XPO4: variants seen among roughly 807,000 people sequenced by gnomAD.
The protein encoded by XPO4 is exportin 4, also known as exportin-4.
XPO4 carries 39 observed loss-of-function variants against 143.0 expected under a neutral mutation model. That is an observed-to-expected ratio of 0.27 (90% CI 0.21 to 0.36). XPO4 has a LOEUF of 0.36. Among genes scored for constraint, XPO4 ranks in the 10% least tolerant of loss-of-function variants. The pLI, the probability that XPO4 is intolerant of heterozygous loss-of-function variation, is 1.00. For missense variants in XPO4, 907 were observed against 1,348.0 expected (o/e 0.67, Z 5.12); for synonymous variants, 439 against 474.0 (o/e 0.93, Z 0.96).
intron 16 of XPO4, among the ~76,000 whole-genome samples, chr13:20,797,653 C>G (rs2059375835): frequency 2.0e-5 from 3 of 152,154 alleles, no homozygotes; most frequent in Admixed American, 2.0e-4. Context: ...AAACAACTGC[C>G]TAATTCCATT....
At chr13:20,790,400 TA>T in intron 19 of XPO4, 61 bp downstream of exon 19, 1 of 1,261,468 alleles carries the variant, frequency 7.9e-7, no homozygotes, top group Non-Finnish European at 1.2e-6. Flanking sequence ...TATTCTTGTC[TA>T]AAGTATCTTT....
intron 6 of XPO4, among the ~76,000 whole-genome samples, chr13:20,831,256 T>C (rs943326691): frequency 1.1e-4 from 17 of 152,146 alleles, no homozygotes; most frequent in Non-Finnish European, 1.5e-5. Flanking sequence ...CAAGGTTAAA[T>C]AAAGCAAGAT....
intron 1 of XPO4, among the ~76,000 whole-genome samples, chr13:20,895,538 A>G (rs987599776): frequency 2.0e-5 from 3 of 152,072 alleles, no homozygotes; most frequent in Non-Finnish European, 4.4e-5. Flanking sequence ...AGGCTGAGGA[A>G]GGAGAATCAC....
chr13:20,871,213 C>T (rs1324034715), intron 1 of XPO4, among the ~76,000 whole-genome samples: 1 of 152,148 alleles, frequency 6.6e-6, no homozygotes, highest in East Asian at 1.9e-4. Context: ...CGGAATCTCA[C>T]TCTGTTGCCC....
chr13:20,820,123 AGAAAT>A (rs1317110088), intron 9 of XPO4, among the ~76,000 whole-genome samples: 11 of 152,246 alleles, frequency 7.2e-5, no homozygotes, highest in African/African-American at 2.4e-4. Flanking sequence ...ATAAATGAAA[AGAAAT>A]AATACTTTTC....
At chr13:20,882,456 C>T (rs1433769225) in intron 1 of XPO4, among the ~76,000 whole-genome samples, 3 of 152,106 alleles carry the variant, frequency 2.0e-5, no homozygotes, top group Non-Finnish European at 2.9e-5. Flanking sequence ...CCGGTGAACT[C>T]AGAGGGAGGC....
intron 3 of XPO4, among the ~76,000 whole-genome samples, chr13:20,862,361 C>T (rs1334146533): frequency 6.6e-6 from 1 of 152,114 alleles, no homozygotes; most frequent in African/African-American, 2.4e-5. Flanking sequence ...AAACATAGTA[C>T]CAAAAGCTTA....
chr13:20,809,645 G>T (rs1277890948), intron 10 of XPO4, 146 bp downstream of exon 10: 1 of 801,840 alleles, frequency 1.2e-6, no homozygotes. Context: ...ATTTTAATAA[G>T]AACTCAGAGA....
chr13:20,797,783 G>A (rs902177997), intron 16 of XPO4, among the ~76,000 whole-genome samples: 2 of 152,154 alleles, frequency 1.3e-5, no homozygotes, highest in Non-Finnish European at 2.9e-5. Flanking sequence ...GCCCATGGTT[G>A]TTGTTATGGG....
rs200342352 is a variant in XPO4, at chr13:20,894,869, A to AT, written c.69+7800dup. 1.1e-3 allele frequency among the ~76,000 whole-genome samples: 161 copies of AT among 146,850 alleles called. 1 individual carries two copies. The East Asian group carries it at 0.024, about 22-fold the overall frequency. ...CAAAGAAAAAAAAAAAAAAAGGTAGATTTTTTTAAAACACATGCAACATTC... is the reference window on the plus strand; with the variant it reads ...CAAAGAAAAAAAAAAAAAAAGGTAGATTTTTTTTAAAACACATGCAACATTC... On this transcript the variant is annotated intron_variant, in intron 1 of 22. Transcript: ENST00000255305.
rs77984645 is a variant in XPO4 at position 20,862,106 on chromosome 13, T to C, written c.317+611A>G. On this transcript the variant is annotated intron_variant, in intron 3 of 22. Coordinates refer to ENST00000255305, the MANE Select transcript of XPO4 (RefSeq NM_022459.5). ...CCAGCCCTCTATGCACATTTCTATG[T>C]ACACATATATGTAACATTTGATTTG... is the stretch of plus-strand genomic sequence containing the variant. Among the ~76,000 whole-genome samples, 230 of 152,246 alleles carry C rather than the reference T, an allele frequency of 1.5e-3. 1 individual carries two copies. Among genetic ancestry groups the C allele is most frequent in the Middle Eastern group, 6.8e-3 (2 of 294 alleles).
intron 1 of XPO4, among the ~76,000 whole-genome samples, chr13:20,882,412 G>C (rs1365633885): frequency 1.3e-5 from 2 of 152,072 alleles, no homozygotes; most frequent in Non-Finnish European, 2.9e-5. Context: ...GAAAGCAAGT[G>C]GGGGGAGGTG....
rs1390237414 is a variant in XPO4, at chr13:20,821,715, A to C, written c.1162T>G (p.Leu388Val). The C allele has an allele frequency of 6.2e-7, 1 of 1,613,142 alleles. No homozygotes were observed. Among genetic ancestry groups the C allele is most frequent in the African/African-American group, 1.3e-5 (1 of 74,916 alleles). The stretch of plus-strand genomic sequence containing the variant: ...GAATAGTCACTCACCACTTCTTCCA[A>C]TGCAGCACTTCGCCCAAAAGAACAA... ...LTCSFGRSAA[L>V]EEVLDKDDMV... Residue 388 changes from leucine (L) to valine (V), a missense_variant, in exon 9 of 23, where the codon TTG becomes GTG. Coordinates refer to ENST00000255305, the MANE Select transcript of XPO4 (RefSeq NM_022459.5).
rs2059155748 is a variant in XPO4, at chr13:20,782,706, A to G, written c.*1016T>C. 6.6e-6 allele frequency: 1 copy of G among 152,588 alleles called. No homozygotes were observed. Among genetic ancestry groups the G allele is most frequent in the African/African-American group, 2.4e-5 (1 of 41,416 alleles). 9.5% of individuals were successfully genotyped at this position (152,588 alleles called of 1,614,324 possible). The stretch of plus-strand genomic sequence containing the variant: ...TTCATTTCACTGATAAACCTACATA[A>G]ATACACGATCGAAAGGGGCAACAGG... On this transcript the variant is annotated 3_prime_UTR_variant, in exon 23 of 23. Transcript: ENST00000255305.
intron 3 of XPO4, 34 bp downstream of exon 3, chr13:20,862,683 A>G (rs2060213073): frequency 1.9e-6 from 3 of 1,612,336 alleles, no homozygotes; most frequent in African/African-American, 1.3e-5. Flanking sequence ...AAGCTCAGCA[A>G]AAGTATTTCA....
intron 9 of XPO4, among the ~76,000 whole-genome samples, chr13:20,813,322 T>C (rs1035697929): frequency 6.6e-6 from 1 of 152,106 alleles, no homozygotes; most frequent in African/African-American, 2.4e-5. Context: ...TTCTAGAACA[T>C]ATATAGACTT....
chr13:20,886,800 G>A (rs1455501643), intron 1 of XPO4, among the ~76,000 whole-genome samples: 2 of 151,944 alleles, frequency 1.3e-5, no homozygotes, highest in Non-Finnish European at 2.9e-5. Context: ...AGGGCTGGGC[G>A]TGTTAGCTCA....
intron 1 of XPO4, among the ~76,000 whole-genome samples, chr13:20,872,482 A>T (rs980058917): frequency 6.6e-6 from 1 of 152,162 alleles, no homozygotes; most frequent in Non-Finnish European, 1.5e-5. Flanking sequence ...TACCACATAC[A>T]AAAGAGAGAG....
At chr13:20,875,138 G>A (rs928510409) in intron 1 of XPO4, among the ~76,000 whole-genome samples, 1 of 152,140 alleles carries the variant, frequency 6.6e-6, no homozygotes, top group African/African-American at 2.4e-5. Flanking sequence ...GGTAGTCTTT[G>A]ACTCATTCAC....
Sources: gnomAD v4.1 joint callset for allele counts (sites outside exome capture counted in the v4.1 genomes callset) on GRCh38, gnomAD v4.1.1 for gene constraint, MANE v1.5 for transcripts, NCBI Gene and HGNC (gene_info 2026-07-23, HGNC 2026-07-21) for gene names.